The following ERO1A variants were observed in gnomAD, a reference collection of about 807,000 sequenced individuals.
ERO1A encodes ERO1-like protein alpha.
ERO1A carries 49 observed loss-of-function variants against 76.9 expected under a neutral mutation model. That is an observed-to-expected ratio of 0.64 (90% confidence interval 0.51 to 0.81). ERO1A has a LOEUF of 0.81. Among genes scored for constraint, ERO1A ranks in the 30% least tolerant of loss-of-function variants. The pLI is 0.00. For synonymous variants in ERO1A, 174 were observed against 181.2 expected, an observed-to-expected ratio of 0.96 and a Z score of 0.32; for missense variants, 448 against 542.1, an observed-to-expected ratio of 0.83 and a Z score of 1.72.
chr14:52,691,594 T>C (rs369235866), intron 1 of ERO1A, among the ~76,000 whole-genome samples: 11 of 152,328 alleles, frequency 7.2e-5, no homozygotes, highest in African/African-American at 2.4e-4. Context: ...ATTAAAACCA[T>C]TGTTTCAACT....
intron 4 of ERO1A, chr14:52,678,221 G>A (rs868678752): frequency 1.1e-5 from 4 of 354,226 alleles, no homozygotes; most frequent in Non-Finnish European, 2.0e-5. Flanking sequence ...CCAAGATCAC[G>A]CCACTGCTCC....
chr14:52,653,119 A>G lies in ERO1A; in HGVS notation c.1005T>C (p.Ile335=). The stretch of plus-strand genomic sequence containing the variant: ...GTAACATTTTGTTTTCCTCATCCTG[A>G]ATTTTATTTCCAGTAAAGAGTTGAA... ...PDFQLFTGNK[I]QDEENKMLLL... is the part of the protein sequence containing the mutation. Residue 335 remains isoleucine (I), a synonymous_variant, in exon 12 of 16, where the codon ATT becomes ATC. Coordinates refer to ENST00000395686, the MANE Select transcript of ERO1A (RefSeq NM_014584.3). The G allele has an allele frequency of 6.2e-7, 1 of 1,601,268 alleles. No individual in the cohort carries two copies. The highest frequency in any genetic ancestry group is 8.6e-7 in the Non-Finnish European group (1 of 1,168,520).
chr14:52,651,493 G>A lies in ERO1A; in HGVS notation c.1125+746C>T, dbSNP rs147207405. On this transcript the variant is annotated intron_variant, in intron 13 of 15. Coordinates refer to ENST00000395686, the MANE Select transcript of ERO1A (RefSeq NM_014584.3). ...TGTGAAAGGCATCTAGAAAGTGTAC[G>A]GCAATATACAGATATCAGTGTTACT... Among the ~76,000 whole-genome samples, 264 of 125,320 alleles carry A rather than the reference G, an allele frequency of 2.1e-3. 2 individuals are homozygous for A. The East Asian group carries it at 0.056, about 27-fold the overall frequency. The allele number at this position is 125,320 out of a possible 152,430, so 82.2% of individuals were successfully genotyped here. A position where few individuals can be genotyped will look rare whatever the true frequency, so the allele number is the denominator to read the frequency against.
chr14:52,693,685 C>CG (rs1428254173), intron 1 of ERO1A, among the ~76,000 whole-genome samples: 6 of 151,548 alleles, frequency 4.0e-5, no homozygotes, highest in Non-Finnish European at 7.4e-5. Context: ...TTTGTAGAGA[C>CG]GGGGGTTTCA....
At chr14:52,664,831 A>G (rs2040352227) in intron 7 of ERO1A, among the ~76,000 whole-genome samples, 1 of 152,024 alleles carries the variant, frequency 6.6e-6, no homozygotes, top group Admixed American at 6.5e-5. Context: ...AGCTGGGACT[A>G]CAGGTGCCCA....
chr14:52,646,089 G>C, intron 15 of ERO1A, 65 bp downstream of exon 15: 1 of 1,504,700 alleles, frequency 6.6e-7, no homozygotes, highest in Non-Finnish European at 8.9e-7. Context: ...AGTTTTTTCT[G>C]AGAGCATATA....
intron 1 of ERO1A, among the ~76,000 whole-genome samples, chr14:52,686,634 T>C (rs997040645): frequency 6.6e-6 from 1 of 152,090 alleles, no homozygotes; most frequent in Non-Finnish European, 1.5e-5. Flanking sequence ...TCCCAGCACT[T>C]TGGGTGGCCG....
chr14:52,687,243 T>A (rs374567637), intron 1 of ERO1A, among the ~76,000 whole-genome samples: 58 of 152,058 alleles, frequency 3.8e-4, no homozygotes, highest in African/African-American at 1.4e-3. Context: ...CTGAGCAACA[T>A]GGTAAAACCC....
intron 15 of ERO1A, among the ~76,000 whole-genome samples, chr14:52,645,292 CAT>C (rs2039610230): frequency 6.8e-6 from 1 of 146,660 alleles, no homozygotes; most frequent in African/African-American, 2.5e-5. Context: ...TTTATACATA[CAT>C]ATACACACTT....
intron 9 of ERO1A, among the ~76,000 whole-genome samples, chr14:52,659,716 T>C (rs1023083960): frequency 6.6e-6 from 1 of 152,084 alleles, no homozygotes; most frequent in Non-Finnish European, 1.5e-5. Context: ...GTTCTTTTTT[T>C]CAAGTTTTTG....
chr14:52,694,973 C>A (rs966597079), intron 1 of ERO1A, among the ~76,000 whole-genome samples: 11 of 152,224 alleles, frequency 7.2e-5, no homozygotes, highest in Non-Finnish European at 1.6e-4. Flanking sequence ...GCACGCAGCA[C>A]AGGTACTGGG....
At chr14:52,666,293 A>AATTTTAAATCATTATG in intron 7 of ERO1A, 82 bp downstream of exon 7, 1 of 1,024,552 alleles carries the variant, frequency 9.8e-7, no homozygotes, top group Non-Finnish European at 1.4e-6. Flanking sequence ...TTTGATTTTT[A>AATTTTAAATCATTATG]ATTTTAAATC....
chr14:52,661,443 G>C, intron 8 of ERO1A, 139 bp from the exon 9 acceptor site: 2 of 541,222 alleles, frequency 3.7e-6, no homozygotes, highest in Non-Finnish European at 6.0e-6. Flanking sequence ...AAATCTGAAA[G>C]TGAGACATTC....
chr14:52,680,144 C>T lies in ERO1A; in HGVS notation c.319-1672G>A, dbSNP rs780151964. Among the ~76,000 whole-genome samples, 3 of 150,408 alleles carry T rather than the reference C, an allele frequency of 2.0e-5. No homozygotes were observed. In the South Asian group the frequency reaches 6.3e-4, roughly 32 times the overall value. On this transcript the variant is annotated intron_variant, in intron 3 of 15. Transcript: ENST00000395686. Reference sequence around the variant, plus strand: ...AAAGGCATTCTGCCTTTCACTTCTTCCCAGCTCTGCAGAAGCTTAAAATTA... The same window carrying T: ...AAAGGCATTCTGCCTTTCACTTCTTTCCAGCTCTGCAGAAGCTTAAAATTA...
At chr14:52,652,334 A>G (rs1441466845) in intron 12 of ERO1A, 26 bp from the exon 13 acceptor site, 2 of 1,481,520 alleles carry the variant, frequency 1.3e-6, no homozygotes, top group South Asian at 2.3e-5. Context: ...GAGAATATTC[A>G]TTTTCATGTG....
At chr14:52,663,755 G>A (rs2040309778) in intron 8 of ERO1A, 46 bp downstream of exon 8, 2 of 1,192,858 alleles carry the variant, frequency 1.7e-6, no homozygotes, top group African/African-American at 3.0e-5. Context: ...TTGAATTAAA[G>A]TTCCCTGGCT....
At chr14:52,656,561 A>C (rs886532285) in intron 11 of ERO1A, among the ~76,000 whole-genome samples, 8 of 151,852 alleles carry the variant, frequency 5.3e-5, no homozygotes, top group African/African-American at 1.7e-4. Flanking sequence ...AAATACAAAA[A>C]ATTAGCTGGG....
chr14:52,692,563 A>T (rs1396683120), intron 1 of ERO1A, among the ~76,000 whole-genome samples: 1 of 152,218 alleles, frequency 6.6e-6, no homozygotes, highest in Non-Finnish European at 1.5e-5. Flanking sequence ...TTGTATTTCC[A>T]AACATCTGGT....
intron 6 of ERO1A, among the ~76,000 whole-genome samples, chr14:52,668,649 A>G (rs1459454820): frequency 6.6e-6 from 1 of 151,692 alleles, no homozygotes; most frequent in Non-Finnish European, 1.5e-5. Flanking sequence ...TTAAATTTTT[A>G]AATATTCTAC....
Sources: gnomAD v4.1 joint callset for allele counts (sites outside exome capture counted in the v4.1 genomes callset) on GRCh38, gnomAD v4.1.1 for gene constraint, MANE v1.5 for transcripts, NCBI Gene and HGNC (gene_info 2026-07-23, HGNC 2026-07-21) for gene names.